The following AFG3L2 variants were observed in gnomAD, a reference collection of about 807,000 sequenced individuals.
The protein encoded by AFG3L2 is AFG3 like matrix AAA peptidase subunit 2.
AFG3L2 carries 54 observed loss-of-function variants against 94.5 expected under a neutral mutation model. The observed-to-expected ratio is 0.57, with a 90% confidence interval of 0.46 to 0.72. The LOEUF (loss-of-function observed/expected upper bound fraction) is 0.72. Among genes scored for constraint, AFG3L2 ranks in the 30% least tolerant of loss-of-function variants. The pLI, the probability that AFG3L2 is intolerant of heterozygous loss-of-function variation, is 0.00. For missense variants in AFG3L2, 754 were observed against 994.9 expected (o/e 0.76, Z 3.26); for synonymous variants, 377 against 365.5 (o/e 1.03, Z -0.36).
intron 3 of AFG3L2, among the ~76,000 whole-genome samples, chr18:12,368,611 C>T (rs764773404): frequency 3.9e-5 from 6 of 151,970 alleles, no homozygotes; most frequent in Non-Finnish European, 5.9e-5. Context: ...AGTACAATGG[C>T]GTGATCTCAG....
intron 3 of AFG3L2, among the ~76,000 whole-genome samples, chr18:12,369,130 A>C (rs77542550): frequency 6.6e-6 from 1 of 152,120 alleles, no homozygotes; most frequent in African/African-American, 2.4e-5. Context: ...CCCAGGACTA[A>C]AAAACACGCA....
chr18:12,374,916 C>T (rs1366825610), intron 1 of AFG3L2, among the ~76,000 whole-genome samples: 1 of 151,896 alleles, frequency 6.6e-6, no homozygotes, highest in East Asian at 1.9e-4. Context: ...TTTAGCCAGG[C>T]GTAGTGGCGG....
rs745691120 is a variant in AFG3L2 at position 12,358,913 on chromosome 18, C to G, written c.783G>C (p.Val261=). 3.1e-6 allele frequency: 5 copies of G among 1,614,008 alleles called. No individual in the cohort carries two copies. The highest frequency in any genetic ancestry group is 1.6e-4 in the Middle Eastern group (1 of 6,062). Residue 261 remains valine, a synonymous_variant, in exon 8 of 17, where the codon GTG becomes GTC. Coordinates refer to ENST00000269143, the MANE Select transcript of AFG3L2 (RefSeq NM_006796.3). ...TGTAGAGCAAGAAGGCGATGATGAGCACCGTAGGCAGCATGCTCAGCAGAA... is the reference window on the plus strand; with the variant it reads ...TGTAGAGCAAGAAGGCGATGATGAGGACCGTAGGCAGCATGCTCAGCAGAA... The part of the protein sequence containing the change: ...GSFLLSMLPT[V]LIIAFLLYTI...
chr18:12,357,658 C>T (rs1019840346), intron 8 of AFG3L2, among the ~76,000 whole-genome samples: 23 of 152,106 alleles, frequency 1.5e-4, no homozygotes, highest in African/African-American at 5.5e-4. Flanking sequence ...AGTGCAATGG[C>T]ACGATCTCGG....
chr18:12,335,674 G>A (rs980533468), intron 16 of AFG3L2, among the ~76,000 whole-genome samples: 6 of 152,080 alleles, frequency 3.9e-5, no homozygotes, highest in African/African-American at 7.2e-5. Flanking sequence ...GGCTGCCCCC[G>A]GGCTCCACGC....
intron 10 of AFG3L2, among the ~76,000 whole-genome samples, chr18:12,351,885 T>C (rs899886176): frequency 6.6e-6 from 1 of 152,182 alleles, no homozygotes; most frequent in Non-Finnish European, 1.5e-5. Context: ...GAATTATTTT[T>C]TTACTATTCA....
intron 1 of AFG3L2, 137 bp downstream of exon 1, chr18:12,376,832 A>G (rs2143252975): frequency 1.7e-6 from 1 of 575,772 alleles, no homozygotes; most frequent in Non-Finnish European, 2.6e-6. Context: ...GAGACAGCGC[A>G]GGGCGCCCAG....
chr18:12,329,049 C>T lies in AFG3L2; in HGVS notation c.*516G>A. ...GTATGTTACAGCTCCTGTAGAAAAC[C>T]ATTCCATTAAGACAGCAACAAGTGA... On this transcript the variant is annotated 3_prime_UTR_variant, in exon 17 of 17. Transcript: ENST00000269143. 2.9e-6 allele frequency: 2 copies of T among 678,156 alleles called. No homozygotes were observed. The highest frequency in any genetic ancestry group is 5.4e-6 in the Non-Finnish European group (2 of 371,908). 42.0% of individuals were successfully genotyped at this position (678,156 alleles called of 1,614,324 possible).
At chr18:12,345,662 C>T (rs1020593801) in intron 13 of AFG3L2, among the ~76,000 whole-genome samples, 1 of 152,154 alleles carries the variant, frequency 6.6e-6, no homozygotes, top group East Asian at 1.9e-4. Context: ...ACACTGCCTG[C>T]GGGGCCCAGC....
chr18:12,336,130 A>C (rs1907734592), intron 16 of AFG3L2, among the ~76,000 whole-genome samples: 1 of 152,148 alleles, frequency 6.6e-6, no homozygotes, highest in Admixed American at 6.5e-5. Flanking sequence ...AAACTAAACT[A>C]CCCTTGTAAA....
At chr18:12,346,976 A>G (rs1908159879) in intron 13 of AFG3L2, among the ~76,000 whole-genome samples, 1 of 152,070 alleles carries the variant, frequency 6.6e-6, no homozygotes, top group African/African-American at 2.4e-5. Flanking sequence ...ATCTCTACTA[A>G]AAGTACAAAA....
At chr18:12,372,721 G>T (rs1350986490) in intron 1 of AFG3L2, among the ~76,000 whole-genome samples, 1 of 152,200 alleles carries the variant, frequency 6.6e-6, no homozygotes, top group African/African-American at 2.4e-5. Context: ...ACAAAGGAAT[G>T]AAGTACTGAC....
intron 6 of AFG3L2, among the ~76,000 whole-genome samples, chr18:12,361,279 G>C (rs1215661311): frequency 1.3e-5 from 2 of 152,100 alleles, no homozygotes; most frequent in Non-Finnish European, 2.9e-5. Flanking sequence ...CATGAACCTG[G>C]GAGGCACAGG....
intron 6 of AFG3L2, 67 bp downstream of exon 6, chr18:12,363,715 C>T: frequency 7.6e-7 from 1 of 1,324,348 alleles, no homozygotes. Flanking sequence ...GGCAGGTTTT[C>T]CTTTCAGCTT....
rs1477129589 is a variant in AFG3L2, at chr18:12,340,405, G to C, written c.1780-4C>G. 1.2e-6 allele frequency: 2 copies of C among 1,610,734 alleles called. No homozygotes were observed. The highest frequency in any genetic ancestry group is 1.1e-5 in the South Asian group (1 of 90,994). ...TGCCACGTGGGATGATGGATACCTG[G>C]TAAGTAGAAAACAGTGTTGAAGATC... is the stretch of plus-strand genomic sequence containing the variant. On this transcript the variant is annotated splice_region_variant and splice_polypyrimidine_tract_variant and intron_variant, in intron 14 of 16. Coordinates refer to ENST00000269143, the MANE Select transcript of AFG3L2 (RefSeq NM_006796.3).
chr18:12,350,820 T>C (rs574160790), intron 12 of AFG3L2, among the ~76,000 whole-genome samples: 2 of 152,148 alleles, frequency 1.3e-5, no homozygotes, highest in East Asian at 3.8e-4. Context: ...TGGTGGTACA[T>C]GCCTGTAGTC....
intron 15 of AFG3L2, among the ~76,000 whole-genome samples, chr18:12,338,294 C>G (rs1907819377): frequency 6.6e-6 from 1 of 152,122 alleles, no homozygotes; most frequent in African/African-American, 2.4e-5. Context: ...TCTGATAGAC[C>G]TGAAGAAACA....
At chr18:12,376,150 T>C (rs556969730) in intron 1 of AFG3L2, among the ~76,000 whole-genome samples, 13 of 152,248 alleles carry the variant, frequency 8.5e-5, no homozygotes, top group South Asian at 4.2e-4. Context: ...AGTGAAGACG[T>C]TGAGCTGACT....
intron 13 of AFG3L2, among the ~76,000 whole-genome samples, chr18:12,347,062 G>A (rs1202424900): frequency 6.6e-6 from 1 of 152,160 alleles, no homozygotes. Flanking sequence ...TGGAGGTGGA[G>A]GTTGCAGTGA....
Sources: gnomAD v4.1 joint callset for allele counts (sites outside exome capture counted in the v4.1 genomes callset) on GRCh38, gnomAD v4.1.1 for gene constraint, MANE v1.5 for transcripts, NCBI Gene and HGNC (gene_info 2026-07-23, HGNC 2026-07-21) for gene names.